Variants in ABCB5 observed in about 807,000 individuals in gnomAD.
ABCB5 encodes the protein ATP-binding cassette sub-family B member 5.
In ABCB5, 155 loss-of-function variants were observed where a neutral mutation model predicts 144.2. The observed-to-expected ratio is 1.08, with a 90% CI of 0.94 to 1.23. ABCB5 has a LOEUF of 1.23. Among genes scored for constraint, ABCB5 ranks in the 50% most tolerant of loss-of-function variants. The pLI is 0.00. For synonymous variants in ABCB5, 610 were observed against 528.6 expected (o/e 1.15, Z -2.11); for missense variants, 1,830 against 1,520.8 (o/e 1.20, Z -3.38).
chr7:20,632,395 C>T (rs1026135010), intron 5 of ABCB5, among the ~76,000 whole-genome samples: 19 of 152,002 alleles, frequency 1.2e-4, no homozygotes, highest in Non-Finnish European at 2.8e-4. Flanking sequence ...ATTTTGCCTC[C>T]TAGTAATATC....
chr7:20,748,120 T>C (rs1026965642), intron 26 of ABCB5, among the ~76,000 whole-genome samples: 3 of 152,216 alleles, frequency 2.0e-5, no homozygotes, highest in African/African-American at 7.2e-5. Context: ...CTTTGTGCTA[T>C]CCTGAAGGGA....
At chr7:20,697,515 C>G (rs1180625898) in intron 16 of ABCB5, among the ~76,000 whole-genome samples, 3 of 152,192 alleles carry the variant, frequency 2.0e-5, no homozygotes, top group African/African-American at 7.2e-5. Context: ...CTACTTATTG[C>G]AGACAAGAGC....
chr7:20,644,442 T>G (rs1315696419), intron 7 of ABCB5, among the ~76,000 whole-genome samples: 1 of 152,236 alleles, frequency 6.6e-6, no homozygotes, highest in African/African-American at 2.4e-5. Flanking sequence ...TCTATTTTTA[T>G]GTACTACACA....
At chr7:20,684,924 T>C (rs988850604) in intron 15 of ABCB5, among the ~76,000 whole-genome samples, 1 of 152,208 alleles carries the variant, frequency 6.6e-6, no homozygotes, top group Non-Finnish European at 1.5e-5. Flanking sequence ...TCATTTCTCT[T>C]GTCCTTCTCC....
chr7:20,687,218 A>G (rs1786031250), intron 16 of ABCB5, among the ~76,000 whole-genome samples: 2 of 152,204 alleles, frequency 1.3e-5, no homozygotes, highest in African/African-American at 4.8e-5. Flanking sequence ...ACTGCTGAAA[A>G]CACTATGGAA....
intron 14 of ABCB5, among the ~76,000 whole-genome samples, chr7:20,672,210 A>G (rs565726428): frequency 4.9e-4 from 75 of 152,198 alleles, no homozygotes; most frequent in African/African-American, 1.8e-3. Flanking sequence ...GGATACAAGT[A>G]TTTTATCAGA....
intron 4 of ABCB5, among the ~76,000 whole-genome samples, chr7:20,629,999 A>C (rs1784002534): frequency 6.6e-6 from 1 of 152,114 alleles, no homozygotes; most frequent in Admixed American, 6.5e-5. Context: ...AGGTGTTTTC[A>C]TATTGCTCTT....
chr7:20,755,682 T>TA lies in ABCB5; in HGVS notation c.*60dup. The TA allele has an allele frequency of 3.3e-6, 5 of 1,524,738 alleles. No individual in the cohort carries two copies. Among genetic ancestry groups the TA allele is most frequent in the South Asian group, 1.2e-5 (1 of 86,618 alleles). The allele number at this position is 1,524,738 out of a possible 1,614,324, so 94.5% of individuals were successfully genotyped here. Reference sequence around the variant, plus strand: ...TGTAATGCAAAGAAGGAGTACTTAATAATTACTTGGCAAGCTTTGATCTCT... The same window carrying TA: ...TGTAATGCAAAGAAGGAGTACTTAATAAATTACTTGGCAAGCTTTGATCTCT... On this transcript the variant is annotated 3_prime_UTR_variant, in exon 28 of 28. Coordinates refer to ENST00000404938, the MANE Select transcript of ABCB5 (RefSeq NM_001163941.2).
Position 20,755,786 on chromosome 7 carries a change from A to T in ABCB5, c.*162A>T. On this transcript the variant is annotated 3_prime_UTR_variant, in exon 28 of 28. Coordinates refer to ENST00000404938, the MANE Select transcript of ABCB5 (RefSeq NM_001163941.2). Reference sequence around the variant, plus strand: ...TATTCACACACCATCTGACCTTCAGATTTTTAAAAGGAAGCAAAAATTTGC... The same window carrying T: ...TATTCACACACCATCTGACCTTCAGTTTTTTAAAAGGAAGCAAAAATTTGC... 1 of 714,316 alleles carries T rather than the reference A, an allele frequency of 1.4e-6. No individual in the cohort carries two copies. Among genetic ancestry groups the T allele is most frequent in the East Asian group, 2.8e-5 (1 of 35,918 alleles). The allele number at this position is 714,316 out of a possible 1,614,324, so 44.2% of individuals were successfully genotyped here.
At position 20,718,335 on chromosome 7, in the gene ABCB5, A is replaced by G. The variant is rs117535911; in HGVS notation, c.2422-4681A>G. ...TCTTTTATCCTTAAACTTCCAGGGGATGAACTGTAAGTCAGCATTATATGC... is the reference window on the plus strand; with the variant it reads ...TCTTTTATCCTTAAACTTCCAGGGGGTGAACTGTAAGTCAGCATTATATGC... On this transcript the variant is annotated intron_variant, in intron 20 of 27. Transcript: ENST00000404938. 6.8e-4 allele frequency among the ~76,000 whole-genome samples: 104 copies of G among 152,328 alleles called. 2 individuals are homozygous for G. In the East Asian group the frequency reaches 0.017, roughly 25 times the overall value.
intron 20 of ABCB5, among the ~76,000 whole-genome samples, chr7:20,707,761 G>A (rs1001402687): frequency 6.8e-6 from 1 of 146,712 alleles, no homozygotes; most frequent in Admixed American, 6.8e-5. Flanking sequence ...TTACTAGTTA[G>A]AACTAAGATA....
chr7:20,643,886 C>G (rs1784348669), intron 7 of ABCB5, among the ~76,000 whole-genome samples: 2 of 152,192 alleles, frequency 1.3e-5, no homozygotes, highest in Admixed American at 6.5e-5. Flanking sequence ...CAGTCTAACA[C>G]AACTTCAAGT....
At chr7:20,721,873 AC>A (rs1781879742) in intron 20 of ABCB5, among the ~76,000 whole-genome samples, 1 of 152,140 alleles carries the variant, frequency 6.6e-6, no homozygotes, top group African/African-American at 2.4e-5. Flanking sequence ...CTTCCTTTTT[AC>A]TCTCCGTGAA....
chr7:20,658,818 C>T (rs905974579), intron 14 of ABCB5, 142 bp downstream of exon 14: 5 of 1,096,868 alleles, frequency 4.6e-6, no homozygotes, highest in Admixed American at 2.7e-5. Flanking sequence ...CCACTGAGAA[C>T]TTACGTGATG....
chr7:20,698,305 G>C (rs1786492919), intron 16 of ABCB5, 102 bp from the exon 17 acceptor site: 1 of 1,015,342 alleles, frequency 9.8e-7, no homozygotes. Flanking sequence ...TGTCTGTTAT[G>C]TTTGATGTTA....
intron 1 of ABCB5, among the ~76,000 whole-genome samples, chr7:20,618,764 C>CTTTTTTTTT (rs59970398): frequency 0.011 from 575 of 51,576 alleles, 149 homozygotes; most frequent in Middle Eastern, 0.037. Context: ...GCTGCATTTT[C>CTTTTTTTTT]TTTTTTTTTT....
At chr7:20,718,280 T>A (rs1014357376) in intron 20 of ABCB5, among the ~76,000 whole-genome samples, 1 of 152,154 alleles carries the variant, frequency 6.6e-6, no homozygotes, top group Non-Finnish European at 1.5e-5. Flanking sequence ...AGGGACACAA[T>A]GTAGCCTATA....
intron 21 of ABCB5, among the ~76,000 whole-genome samples, chr7:20,725,996 T>C (rs1782023730): frequency 6.6e-6 from 1 of 152,148 alleles, no homozygotes; most frequent in Non-Finnish European, 1.5e-5. Flanking sequence ...GTCTTCTCTG[T>C]CCCACAGTCC....
intron 26 of ABCB5, among the ~76,000 whole-genome samples, chr7:20,751,955 ATGCATGTTAAAT>A (rs1420249666): frequency 6.6e-6 from 1 of 152,202 alleles, no homozygotes; most frequent in African/African-American, 2.4e-5. Context: ...GCATGCACCT[ATGCATGTTAAAT>A]TGAAAAGTAA....
Sources: gnomAD v4.1 joint callset for allele counts (sites outside exome capture counted in the v4.1 genomes callset) on GRCh38, gnomAD v4.1.1 for gene constraint, MANE v1.5 for transcripts, NCBI Gene and HGNC (gene_info 2026-07-23, HGNC 2026-07-21) for gene names.